The following ACSS3 variants were observed in gnomAD, a reference collection of about 807,000 sequenced individuals.
ACSS3 encodes the protein acyl-CoA synthetase short chain family member 3.
A neutral mutation model predicts 84.2 loss-of-function variants in ACSS3; 64 were observed. That is an observed-to-expected ratio of 0.76 (90% CI 0.62 to 0.94). ACSS3 has a LOEUF of 0.94. Among genes scored for constraint, ACSS3 ranks in the 40% least tolerant of loss-of-function variants. ACSS3 has a pLI of 0.00. For synonymous variants in ACSS3, 317 were observed against 310.1 expected (o/e 1.02, Z -0.23); for missense variants, 815 against 867.6 (o/e 0.94, Z 0.76).
At chr12:81,077,957 C>T (rs1880719328), upstream of ACSS3, 9 of 801,450 alleles carry the variant, frequency 1.1e-5, no homozygotes, top group Non-Finnish European at 1.7e-5. Flanking sequence ...TCTCTGGTCG[C>T]TCCAGGTCGG....
At chr12:81,192,416 A>G (rs2031620949) in intron 8 of ACSS3, among the ~76,000 whole-genome samples, 2 of 152,236 alleles carry the variant, frequency 1.3e-5, no homozygotes, top group East Asian at 3.9e-4. Flanking sequence ...AAACAGAAAG[A>G]AAAAAGAAAA....
At chr12:81,229,083 A>T (rs1261578854) in intron 11 of ACSS3, among the ~76,000 whole-genome samples, 2 of 151,782 alleles carry the variant, frequency 1.3e-5, no homozygotes, top group East Asian at 3.9e-4. Context: ...CCCTCAATCC[A>T]TCATAAACGT....
chr12:81,193,905 C>T (rs917908735), intron 8 of ACSS3, among the ~76,000 whole-genome samples: 1 of 151,568 alleles, frequency 6.6e-6, no homozygotes, highest in Admixed American at 6.6e-5. Flanking sequence ...ATTTACCATC[C>T]AGAGGGCCCA....
At chr12:81,083,590 G>T (rs1881127282) in intron 1 of ACSS3, among the ~76,000 whole-genome samples, 1 of 151,688 alleles carries the variant, frequency 6.6e-6, no homozygotes. Flanking sequence ...TCGAACTCCT[G>T]ACCTCGTGAT....
chr12:81,145,635 A>G (rs1013618482), intron 5 of ACSS3, among the ~76,000 whole-genome samples: 2 of 152,218 alleles, frequency 1.3e-5, no homozygotes, highest in African/African-American at 4.8e-5. Context: ...GATTTGGTTC[A>G]AAGTTAGGAG....
At chr12:81,186,253 C>T (rs2031248295) in intron 8 of ACSS3, among the ~76,000 whole-genome samples, 1 of 151,696 alleles carries the variant, frequency 6.6e-6, no homozygotes, top group Non-Finnish European at 1.5e-5. Context: ...AATAATAAAA[C>T]TTCTAGAAGA....
At chr12:81,078,959 C>CT (rs1489889838) in intron 1 of ACSS3, among the ~76,000 whole-genome samples, 3 of 152,146 alleles carry the variant, frequency 2.0e-5, no homozygotes, top group Non-Finnish European at 2.9e-5. Context: ...TGAACTGTGA[C>CT]TGAGACAGTG....
At chr12:81,191,772 CTGTT>C (rs1232639594) in intron 8 of ACSS3, among the ~76,000 whole-genome samples, 2 of 151,950 alleles carry the variant, frequency 1.3e-5, no homozygotes, top group Non-Finnish European at 2.9e-5. Flanking sequence ...TTCACAGGCT[CTGTT>C]TGATGATTTT....
chr12:81,144,153 T>A (rs765579086), intron 5 of ACSS3, among the ~76,000 whole-genome samples: 11 of 152,180 alleles, frequency 7.2e-5, no homozygotes, highest in Non-Finnish European at 1.3e-4. Flanking sequence ...ATTTGATTAG[T>A]TAGCTTTTTA....
At chr12:81,114,979 T>G in intron 2 of ACSS3, among the ~76,000 whole-genome samples, 1 of 152,278 alleles carries the variant, frequency 6.6e-6, no homozygotes, top group South Asian at 2.1e-4. Context: ...TTTTGAACTT[T>G]ATACAAATTG....
intron 4 of ACSS3, among the ~76,000 whole-genome samples, chr12:81,142,857 A>G (rs1886157881): frequency 6.6e-6 from 1 of 152,248 alleles, no homozygotes; most frequent in African/African-American, 2.4e-5. Context: ...TTTCTAAAGG[A>G]TATCTCTAGA....
intron 7 of ACSS3, among the ~76,000 whole-genome samples, chr12:81,167,304 G>C (rs1484502074): frequency 6.6e-6 from 1 of 152,134 alleles, no homozygotes; most frequent in Non-Finnish European, 1.5e-5. Flanking sequence ...CTCAGAGCTA[G>C]GAAAGGACGA....
chr12:81,193,623 A>AT (rs1274320925), intron 8 of ACSS3, among the ~76,000 whole-genome samples: 3 of 151,952 alleles, frequency 2.0e-5, no homozygotes, highest in Non-Finnish European at 4.4e-5. Context: ...TTTAAAGTAG[A>AT]TAAATCTTTC....
At chr12:81,180,301 A>G (rs2135840015) in intron 8 of ACSS3, among the ~76,000 whole-genome samples, 1 of 152,324 alleles carries the variant, frequency 6.6e-6, no homozygotes, top group African/African-American at 2.4e-5. Context: ...TAATCTGTAC[A>G]CCAAACACCA....
chr12:81,224,001 C>G (rs2033192734), intron 11 of ACSS3, among the ~76,000 whole-genome samples: 2 of 152,086 alleles, frequency 1.3e-5, no homozygotes, highest in South Asian at 4.1e-4. Context: ...CTTCCCTTCC[C>G]ACATGGCTGT....
intron 7 of ACSS3, among the ~76,000 whole-genome samples, chr12:81,173,336 G>A (rs1263428179): frequency 3.3e-5 from 5 of 152,132 alleles, no homozygotes; most frequent in African/African-American, 1.2e-4. Flanking sequence ...ATTTGAAATA[G>A]TGCTTTAGAC....
chr12:81,230,678 A>G (rs1258492423), intron 11 of ACSS3, among the ~76,000 whole-genome samples: 2 of 151,752 alleles, frequency 1.3e-5, no homozygotes, highest in African/African-American at 2.4e-5. Context: ...TTAGTACTTC[A>G]AAAAATAAAT....
chr12:81,155,264 T>C (rs1218691746), intron 7 of ACSS3, among the ~76,000 whole-genome samples: 4 of 152,348 alleles, frequency 2.6e-5, no homozygotes, highest in East Asian at 3.9e-4. Flanking sequence ...AACATTAGAG[T>C]TTAGCAGGAT....
At chr12:81,132,717 G>T (rs576917251) in intron 2 of ACSS3, among the ~76,000 whole-genome samples, 23 of 152,134 alleles carry the variant, frequency 1.5e-4, no homozygotes, top group Non-Finnish European at 2.8e-4. Context: ...ACACTGTAAA[G>T]TGAGACTGGA....
Sources: gnomAD v4.1 joint callset for allele counts (sites outside exome capture counted in the v4.1 genomes callset) on GRCh38, gnomAD v4.1.1 for gene constraint, MANE v1.5 for transcripts, NCBI Gene and HGNC (gene_info 2026-07-23, HGNC 2026-07-21) for gene names.